The following TTLL6 variants were observed in gnomAD, a reference collection of about 807,000 sequenced individuals.
The protein encoded by TTLL6 is tubulin tyrosine ligase like 6.
In TTLL6, 75 loss-of-function variants were observed where a neutral mutation model predicts 96.4. The observed-to-expected ratio is 0.78, with a 90% CI of 0.65 to 0.94. The LOEUF is 0.94. Ranked by LOEUF, TTLL6 falls within the 40% of genes least tolerant of loss-of-function variation. The pLI, the probability that TTLL6 is intolerant of heterozygous loss-of-function variation, is 0.00. For missense variants in TTLL6, 1,030 were observed against 1,093.0 expected (o/e 0.94, Z 0.81); for synonymous variants, 411 against 419.4 (o/e 0.98, Z 0.24).
chr17:48,795,825 A>C (rs73985902), intron 8 of TTLL6, among the ~76,000 whole-genome samples: 7,412 of 152,270 alleles, frequency 0.049, 250 homozygotes, highest in South Asian at 0.13. Flanking sequence ...GCTCATGTTT[A>C]TCTCTCCTCC....
At chr17:48,794,060 G>C in intron 8 of TTLL6, 1 of 1,265,180 alleles carries the variant, frequency 7.9e-7, no homozygotes, top group South Asian at 1.4e-5. Flanking sequence ...AGCCCAGCAA[G>C]GGCAGGCGGA....
chr17:48,770,920 AAAAC>A (rs1398293604), intron 13 of TTLL6, among the ~76,000 whole-genome samples: 4 of 144,494 alleles, frequency 2.8e-5, no homozygotes, highest in Non-Finnish European at 4.6e-5. Flanking sequence ...TTCTGTCTCA[AAAAC>A]AAACAAAGAA....
In TTLL6 at chr17:48,804,990, C is replaced by A. The variant is rs763353335; in HGVS notation, c.105G>T (p.Gly35=). 6 of 1,551,072 alleles carry A rather than the reference C, an allele frequency of 3.9e-6. No homozygotes were observed. Among genetic ancestry groups the A allele is most frequent in the Non-Finnish European group, 5.2e-6 (6 of 1,146,726 alleles). Residue 35 remains glycine, a splice_region_variant and synonymous_variant, in exon 2 of 16, where the codon GGG becomes GGT. Coordinates refer to ENST00000393382, the MANE Select transcript of TTLL6 (RefSeq NM_001130918.3). ...AGRDGGVGIA[G]AWYFPRASSQ... ...AGGAGGCTCTGGGGAAATACCAGGCCCCTAGAGAGAGGGCAGAGGGAGCCG... is the reference window on the plus strand; with the variant it reads ...AGGAGGCTCTGGGGAAATACCAGGCACCTAGAGAGAGGGCAGAGGGAGCCG...
intron 8 of TTLL6, among the ~76,000 whole-genome samples, chr17:48,794,857 T>C (rs2039290020): frequency 6.6e-6 from 1 of 151,952 alleles, no homozygotes; most frequent in African/African-American, 2.4e-5. Flanking sequence ...AGCTCTGGGG[T>C]CTAACAGACC....
At chr17:48,816,431 T>TTCAAA (rs2039668313) in intron 1 of TTLL6, among the ~76,000 whole-genome samples, 1 of 152,060 alleles carries the variant, frequency 6.6e-6, no homozygotes, top group African/African-American at 2.4e-5. Context: ...TTTCCTAGAG[T>TTCAAA]TCAAATCCCA....
At chr17:48,799,922 G>A (rs1055211837) in intron 5 of TTLL6, 162 bp from the exon 6 acceptor site, 48 of 623,120 alleles carry the variant, frequency 7.7e-5, no homozygotes, top group South Asian at 5.7e-4. Context: ...TAGAGCACAC[G>A]CAGTGGGGAG....
rs2143144172 is a variant in TTLL6 at position 48,762,702 on chromosome 17, C to G, written c.*272G>C. 1.1e-5 allele frequency: 3 copies of G among 264,954 alleles called. No individual in the cohort carries two copies. The highest frequency in any genetic ancestry group is 2.2e-5 in the Non-Finnish European group (3 of 133,710). 16.4% of individuals were successfully genotyped at this position (264,954 alleles called of 1,614,324 possible). A position where few individuals can be genotyped will look rare whatever the true frequency, so the allele number is the denominator to read the frequency against. ...ATGTGAAGAACCCAGAGAAGTGCCA[C>G]TGGTACGGCAACTGGAGTGTGTCCT... On this transcript the variant is annotated 3_prime_UTR_variant, in exon 16 of 16. Coordinates refer to ENST00000393382, the MANE Select transcript of TTLL6 (RefSeq NM_001130918.3).
At chr17:48,764,672 C>T (rs1179120842) in intron 15 of TTLL6, among the ~76,000 whole-genome samples, 2 of 152,138 alleles carry the variant, frequency 1.3e-5, no homozygotes, top group Non-Finnish European at 2.9e-5. Context: ...CATTCTGCTC[C>T]GTCTGCAAAT....
At chr17:48,791,206 C>G (rs986559732) in intron 9 of TTLL6, among the ~76,000 whole-genome samples, 172 bp downstream of exon 9, 4 of 152,184 alleles carry the variant, frequency 2.6e-5, no homozygotes, top group Non-Finnish European at 2.9e-5. Context: ...CTGTCTACCC[C>G]CCTCTGGTGG....
intron 13 of TTLL6, among the ~76,000 whole-genome samples, chr17:48,776,517 T>C (rs187885981): frequency 2.6e-4 from 40 of 152,274 alleles, no homozygotes; most frequent in Admixed American, 5.9e-4. Context: ...ATTATTTCTA[T>C]ATGCTAAGAA....
At position 48,790,110 on chromosome 17, in the gene TTLL6, T is replaced by C. The variant is rs1433649730; in HGVS notation, c.1225-4A>G. On this transcript the variant is annotated splice_region_variant and splice_polypyrimidine_tract_variant and intron_variant, in intron 9 of 15. Coordinates refer to ENST00000393382, the MANE Select transcript of TTLL6 (RefSeq NM_001130918.3). Reference sequence around the variant, plus strand: ...AGAAGCTTGGAGAGTGGTTGACCTGTGAGGGCAAGATTGGCAGCTGGTGAC... The same window carrying C: ...AGAAGCTTGGAGAGTGGTTGACCTGCGAGGGCAAGATTGGCAGCTGGTGAC... The C allele has an allele frequency of 6.2e-7, 1 of 1,613,032 alleles. No individual in the cohort carries two copies. Among genetic ancestry groups the C allele is most frequent in the Non-Finnish European group, 8.5e-7 (1 of 1,179,490 alleles).
At chr17:48,803,825 T>C (rs2039464167) in intron 3 of TTLL6, 66 bp downstream of exon 3, 2 of 1,512,900 alleles carry the variant, frequency 1.3e-6, no homozygotes, top group Non-Finnish European at 1.8e-6. Context: ...CAAGAGTGAC[T>C]CTTCCCAACC....
chr17:48,809,329 T>C (rs1390170535), intron 1 of TTLL6, among the ~76,000 whole-genome samples: 1 of 152,190 alleles, frequency 6.6e-6, no homozygotes, highest in Non-Finnish European at 1.5e-5. Flanking sequence ...ATCTTGACCT[T>C]GGACTACTTC....
At chr17:48,786,405 G>C in intron 11 of TTLL6, 70 bp from the exon 12 acceptor site, 1 of 1,596,806 alleles carries the variant, frequency 6.3e-7, no homozygotes, top group Non-Finnish European at 8.6e-7. Context: ...TTCTCCTTGA[G>C]GGATGGACAT....
At chr17:48,793,172 G>A (rs780572254) in intron 8 of TTLL6, among the ~76,000 whole-genome samples, 6 of 152,098 alleles carry the variant, frequency 3.9e-5, no homozygotes, top group Non-Finnish European at 7.4e-5. Context: ...GACCTCAAAC[G>A]CCAACTTTGG....
At chr17:48,797,316 T>G in intron 6 of TTLL6, 112 bp from the exon 7 acceptor site, 1 of 1,187,166 alleles carries the variant, frequency 8.4e-7, no homozygotes, top group Non-Finnish European at 1.2e-6. Context: ...CCTAGTGTTG[T>G]GGAGGGCAGG....
chr17:48,788,503 C>G (rs1475101819), intron 10 of TTLL6, among the ~76,000 whole-genome samples: 1 of 152,196 alleles, frequency 6.6e-6, no homozygotes, highest in South Asian at 2.1e-4. Flanking sequence ...GCAGGGAAAC[C>G]CAGAGCCACA....
chr17:48,767,305 A>G (rs545846581), intron 15 of TTLL6, among the ~76,000 whole-genome samples: 1 of 152,318 alleles, frequency 6.6e-6, no homozygotes, highest in African/African-American at 2.4e-5. Context: ...GAGAAACTAC[A>G]GGCTTAAACA....
chr17:48,785,249 A>G (rs753289583), intron 12 of TTLL6, 48 bp from the exon 13 acceptor site: 3 of 1,611,168 alleles, frequency 1.9e-6, no homozygotes, highest in East Asian at 2.2e-5. Context: ...ACCCAGCTCT[A>G]TCCACTTCCA....
Sources: gnomAD v4.1 joint callset for allele counts (sites outside exome capture counted in the v4.1 genomes callset) on GRCh38, gnomAD v4.1.1 for gene constraint, MANE v1.5 for transcripts, NCBI Gene and HGNC (gene_info 2026-07-23, HGNC 2026-07-21) for gene names.